EPHA6: variants seen among roughly 807,000 people sequenced by gnomAD.
EPHA6 encodes the protein ephrin type-A receptor 6.
Under a neutral mutation model 112.0 loss-of-function variants are expected in EPHA6, and 50 were observed. That is an observed-to-expected ratio of 0.45 (90% CI 0.36 to 0.56). The LOEUF (loss-of-function observed/expected upper bound fraction) is 0.56, where lower values mean the gene tolerates loss of function less well. EPHA6 is among the 20% of genes least tolerant of loss of function. EPHA6 has a pLI of 0.00. For missense variants in EPHA6, 1,280 were observed against 1,417.4 expected, an observed-to-expected ratio of 0.90 and a Z score of 1.56; for synonymous variants, 529 against 490.7, an observed-to-expected ratio of 1.08 and a Z score of -1.03.
chr3:97,142,348 A>G (rs895911213), intron 3 of EPHA6, among the ~76,000 whole-genome samples: 1 of 151,948 alleles, frequency 6.6e-6, no homozygotes. Context: ...TTTAATGAGC[A>G]CTGGCAGCAA....
chr3:97,280,953 C>T (rs2080264160), intron 5 of EPHA6, among the ~76,000 whole-genome samples: 1 of 152,074 alleles, frequency 6.6e-6, no homozygotes, highest in African/African-American at 2.4e-5. Context: ...GCAATTACTC[C>T]CTCTGAATAA....
intron 14 of EPHA6, among the ~76,000 whole-genome samples, chr3:97,693,851 G>C (rs1385850611): frequency 5.3e-5 from 8 of 152,080 alleles, no homozygotes; most frequent in Non-Finnish European, 1.2e-4. Flanking sequence ...GTTTAGCAAG[G>C]TTTCAGTAAG....
At chr3:97,210,883 G>C (rs1157888880) in intron 3 of EPHA6, among the ~76,000 whole-genome samples, 3 of 152,242 alleles carry the variant, frequency 2.0e-5, no homozygotes, top group East Asian at 3.9e-4. Context: ...ATTCTAGATG[G>C]GTCCCTCACT....
At chr3:97,525,235 A>T (rs1330006057) in intron 10 of EPHA6, among the ~76,000 whole-genome samples, 1 of 151,788 alleles carries the variant, frequency 6.6e-6, no homozygotes, top group East Asian at 1.9e-4. Context: ...TCTTTCTTCA[A>T]ATTCACAATT....
chr3:96,985,603 T>G (rs1383419613), intron 2 of EPHA6, among the ~76,000 whole-genome samples: 1 of 152,140 alleles, frequency 6.6e-6, no homozygotes, highest in Admixed American at 6.6e-5. Flanking sequence ...TCACCCCTGG[T>G]AAAAAATGTG....
chr3:97,194,050 G>A (rs578247583), intron 3 of EPHA6, among the ~76,000 whole-genome samples: 1 of 151,922 alleles, frequency 6.6e-6, no homozygotes, highest in African/African-American at 2.4e-5. Flanking sequence ...GATCTTTTGT[G>A]TTTTATTGTT....
intron 3 of EPHA6, among the ~76,000 whole-genome samples, chr3:97,032,522 C>T (rs2108022214): frequency 6.6e-6 from 1 of 150,434 alleles, no homozygotes; most frequent in African/African-American, 2.4e-5. Context: ...ATATGAGTCA[C>T]TATCTTAACT....
rs538401457 is a variant in EPHA6, at chr3:96,983,548, G to A, written c.451-3782G>A. Among the ~76,000 whole-genome samples, 69 of 152,134 alleles carry A rather than the reference G, an allele frequency of 4.5e-4. 1 individual carries two copies. The highest frequency in any genetic ancestry group is 6.5e-4 in the Admixed American group (10 of 15,276). On this transcript the variant is annotated intron_variant, in intron 2 of 17. Coordinates refer to ENST00000389672, the MANE Select transcript of EPHA6 (RefSeq NM_001080448.3). The stretch of plus-strand genomic sequence containing the variant: ...TATGTGTCTTGGAGTTGCTCTTCTC[G>A]AGGAATATCTTTGTGGCATTCTCTG...
chr3:96,832,836 G>A (rs1354395895), intron 1 of EPHA6, among the ~76,000 whole-genome samples: 1 of 151,730 alleles, frequency 6.6e-6, no homozygotes, highest in Admixed American at 6.6e-5. Flanking sequence ...CTTTTCCATG[G>A]GCTACCTTCC....
chr3:97,151,279 G>C (rs1446684674), intron 3 of EPHA6, among the ~76,000 whole-genome samples: 1 of 152,078 alleles, frequency 6.6e-6, no homozygotes, highest in Non-Finnish European at 1.5e-5. Context: ...CCACTTAGAA[G>C]TGATCTTTTG....
chr3:97,169,043 G>T (rs554923699), intron 3 of EPHA6, among the ~76,000 whole-genome samples: 1 of 152,220 alleles, frequency 6.6e-6, no homozygotes, highest in African/African-American at 2.4e-5. Flanking sequence ...ATTGGTGTAG[G>T]ATTATTATAC....
At chr3:97,373,421 T>A (rs2108990469) in intron 5 of EPHA6, among the ~76,000 whole-genome samples, 1 of 151,156 alleles carries the variant, frequency 6.6e-6, no homozygotes, top group East Asian at 1.9e-4. Flanking sequence ...TTCCACTGAG[T>A]CAAGTGGTTG....
intron 7 of EPHA6, among the ~76,000 whole-genome samples, chr3:97,461,030 G>T (rs1265151418): frequency 6.6e-6 from 1 of 152,140 alleles, no homozygotes; most frequent in Non-Finnish European, 1.5e-5. Flanking sequence ...AGTACTCACT[G>T]CAGTATCTGA....
At chr3:96,918,292 T>C (rs542254392) in intron 2 of EPHA6, among the ~76,000 whole-genome samples, 1 of 152,310 alleles carries the variant, frequency 6.6e-6, no homozygotes, top group East Asian at 1.9e-4. Context: ...GATAAAATTA[T>C]ATTCTAAGTT....
intron 3 of EPHA6, among the ~76,000 whole-genome samples, chr3:97,144,533 G>C (rs953647025): frequency 6.7e-6 from 1 of 149,976 alleles, no homozygotes; most frequent in Non-Finnish European, 1.5e-5. Flanking sequence ...ACATATATTG[G>C]TAGATTAATA....
At chr3:97,136,577 A>G (rs1319203109) in intron 3 of EPHA6, among the ~76,000 whole-genome samples, 1 of 152,046 alleles carries the variant, frequency 6.6e-6, no homozygotes, top group Admixed American at 6.6e-5. Context: ...GATAAAAAAA[A>G]TAGTACTCAA....
At chr3:97,139,457 C>T (rs2075843430) in intron 3 of EPHA6, among the ~76,000 whole-genome samples, 1 of 152,078 alleles carries the variant, frequency 6.6e-6, no homozygotes, top group Non-Finnish European at 1.5e-5. Flanking sequence ...GAAAAGCCTC[C>T]CAAGACCTTC....
chr3:96,860,341 A>G (rs2035938430), intron 1 of EPHA6, among the ~76,000 whole-genome samples: 1 of 152,066 alleles, frequency 6.6e-6, no homozygotes, highest in East Asian at 1.9e-4. Context: ...TTTCCTTTCC[A>G]ATATAAAGCC....
intron 5 of EPHA6, among the ~76,000 whole-genome samples, chr3:97,344,714 T>C (rs1302590966): frequency 6.6e-6 from 1 of 152,184 alleles, no homozygotes; most frequent in African/African-American, 2.4e-5. Flanking sequence ...GTACGTGATA[T>C]TGTCTGTCTT....
Sources: gnomAD v4.1 joint callset for allele counts (sites outside exome capture counted in the v4.1 genomes callset) on GRCh38, gnomAD v4.1.1 for gene constraint, MANE v1.5 for transcripts, NCBI Gene and HGNC (gene_info 2026-07-23, HGNC 2026-07-21) for gene names.